Variants in CBFA2T3 observed in about 807,000 individuals in gnomAD.
The protein encoded by CBFA2T3 is transcriptional corepressor CBFA2T3.
Under a neutral mutation model 58.6 loss-of-function variants are expected in CBFA2T3, and 31 were observed. That is an observed-to-expected ratio of 0.53 (90% CI 0.40 to 0.71). The LOEUF is 0.71. Among genes scored for constraint, CBFA2T3 ranks in the 30% least tolerant of loss-of-function variants. The pLI is 0.00. For missense variants in CBFA2T3, 1,076 were observed against 963.1 expected (o/e 1.12, Z -1.55); for synonymous variants, 531 against 421.9 (o/e 1.26, Z -3.17).
chr16:88,914,928 G>A (rs1009848282), intron 1 of CBFA2T3, among the ~76,000 whole-genome samples: 13 of 151,706 alleles, frequency 8.6e-5, no homozygotes, highest in Non-Finnish European at 8.8e-5. Context: ...CTCCCTGAGC[G>A]CCCTGGGGGA....
intron 1 of CBFA2T3, among the ~76,000 whole-genome samples, chr16:88,935,114 T>C (rs1018255657): frequency 6.6e-6 from 1 of 152,130 alleles, no homozygotes; most frequent in African/African-American, 2.4e-5. Context: ...CAGGGATACG[T>C]GGAGTCCAGC....
chr16:88,976,208 G>A (rs937477593), intron 1 of CBFA2T3, among the ~76,000 whole-genome samples: 17 of 152,294 alleles, frequency 1.1e-4, no homozygotes, highest in Admixed American at 1.0e-3. Context: ...CCTCCTCACC[G>A]GGGTCTTGGG....
At chr16:88,952,566 G>A (rs1036426300) in intron 1 of CBFA2T3, among the ~76,000 whole-genome samples, 1 of 151,910 alleles carries the variant, frequency 6.6e-6, no homozygotes, top group African/African-American at 2.4e-5. Context: ...CTCAGCTCCT[G>A]AGCCTGGGGT....
intron 1 of CBFA2T3, among the ~76,000 whole-genome samples, chr16:88,902,115 T>C (rs937758798): frequency 6.6e-6 from 1 of 152,162 alleles, no homozygotes; most frequent in Non-Finnish European, 1.5e-5. Context: ...TGTTCCCAGG[T>C]GGCGCTGCTG....
intron 10 of CBFA2T3, 59 bp downstream of exon 10, chr16:88,880,661 G>T: frequency 1.4e-6 from 2 of 1,382,348 alleles, no homozygotes; most frequent in Non-Finnish European, 2.0e-6. Context: ...GGTGAGAGGC[G>T]CATCTGGGGC....
chr16:88,919,573 A>G (rs1970845568), intron 1 of CBFA2T3, among the ~76,000 whole-genome samples: 1 of 152,184 alleles, frequency 6.6e-6, no homozygotes, highest in South Asian at 2.1e-4. Flanking sequence ...CCATGATCAC[A>G]AGGGCAAAAC....
At chr16:88,968,792 C>T (rs1303119154) in intron 1 of CBFA2T3, among the ~76,000 whole-genome samples, 6 of 152,208 alleles carry the variant, frequency 3.9e-5, no homozygotes, top group Admixed American at 1.3e-4. Context: ...TTCATTTCTG[C>T]ACCCTGCGCC....
chr16:88,940,609 G>A (rs572882632), intron 1 of CBFA2T3, among the ~76,000 whole-genome samples: 1 of 152,200 alleles, frequency 6.6e-6, no homozygotes, highest in Admixed American at 6.5e-5. Context: ...GCAGGAGGGA[G>A]AGGAGCAGGA....
intron 1 of CBFA2T3, among the ~76,000 whole-genome samples, chr16:88,914,285 C>T (rs994339342): frequency 3.9e-5 from 6 of 152,226 alleles, no homozygotes; most frequent in Admixed American, 1.3e-4. Flanking sequence ...GCGCAGTGAC[C>T]AGAGGGGGAT....
rs1972117077 is a variant in CBFA2T3, at chr16:88,952,944, CA to C, written c.151+23712del. 1.3e-5 allele frequency among the ~76,000 whole-genome samples: 2 copies of C among 149,072 alleles called. 1 individual carries two copies. The highest frequency in any genetic ancestry group is 3.0e-5 in the Non-Finnish European group (2 of 67,118). On this transcript the variant is annotated intron_variant, in intron 1 of 11. Transcript: ENST00000268679. Reference sequence around the variant, plus strand: ...AGACGGCATGTCCAGGACCCCCACGCAGGGCCTGTGTCGAGACGGCATGTCC... The same window carrying C: ...AGACGGCATGTCCAGGACCCCCACGCGGGCCTGTGTCGAGACGGCATGTCC...
At chr16:88,930,543 C>A (rs889890492) in intron 1 of CBFA2T3, among the ~76,000 whole-genome samples, 62 of 151,610 alleles carry the variant, frequency 4.1e-4, no homozygotes, top group African/African-American at 1.5e-3. Context: ...GGCTCCAGTG[C>A]GGGGAGCCAC....
chr16:88,963,873 G>C (rs1972428833), intron 1 of CBFA2T3, among the ~76,000 whole-genome samples: 2 of 152,230 alleles, frequency 1.3e-5, no homozygotes, highest in South Asian at 2.1e-4. Context: ...GCCTGGCCTG[G>C]CCACACGGGC....
intron 1 of CBFA2T3, among the ~76,000 whole-genome samples, chr16:88,967,071 G>C (rs74033225): frequency 0.11 from 16,256 of 150,292 alleles, 1,036 homozygotes; most frequent in African/African-American, 0.13. Context: ...TCTCTCCATA[G>C]GGAAGCTGAG....
intron 1 of CBFA2T3, among the ~76,000 whole-genome samples, chr16:88,922,926 G>T (rs762753037): frequency 6.6e-6 from 1 of 152,224 alleles, no homozygotes; most frequent in Admixed American, 6.5e-5. Context: ...CCACCGTACA[G>T]ATGGGGCAGC....
intron 1 of CBFA2T3, among the ~76,000 whole-genome samples, chr16:88,906,022 C>A (rs35777274): frequency 6.6e-6 from 1 of 152,010 alleles, no homozygotes; most frequent in Non-Finnish European, 1.5e-5. Context: ...CTGTCCATTT[C>A]CTTGCCTCTT....
chr16:88,891,783 C>T, intron 5 of CBFA2T3, 99 bp downstream of exon 5: 2 of 817,216 alleles, frequency 2.4e-6, no homozygotes, highest in Non-Finnish European at 4.0e-6. Flanking sequence ...CCACTTAAGC[C>T]CCTTCCCGCC....
At chr16:88,949,462 A>T (rs1191368218) in intron 1 of CBFA2T3, among the ~76,000 whole-genome samples, 1 of 151,588 alleles carries the variant, frequency 6.6e-6, no homozygotes, top group East Asian at 2.0e-4. Context: ...GGGAGGCTGA[A>T]GCAGGAGAAT....
intron 1 of CBFA2T3, among the ~76,000 whole-genome samples, chr16:88,972,908 G>A (rs1038960150): frequency 3.3e-5 from 5 of 152,170 alleles, no homozygotes; most frequent in African/African-American, 4.8e-5. Context: ...GCTACCATCC[G>A]GCCCCTTTGC....
At position 88,879,367 on chromosome 16, in the gene CBFA2T3, G is replaced by A. The variant is rs770051870; in HGVS notation, c.1565C>T (p.Thr522Met). Reference sequence around the variant, plus strand: ...GGCCCGCTCCATCTTGGCACGCTCCGTGGTGATGAGCTCGTGCGCTTTGCG... The same window carrying A: ...GGCCCGCTCCATCTTGGCACGCTCCATGGTGATGAGCTCGTGCGCTTTGCG... ...AERKAHELIT[T>M]ERAKMERALA... is the part of the protein sequence containing the mutation. Residue 522 changes from threonine (T) to methionine (M), a missense_variant, in exon 11 of 12, where the codon ACG becomes ATG. Transcript: ENST00000268679. The A allele has an allele frequency of 8.1e-6, 13 of 1,612,836 alleles. No homozygotes were observed. The highest frequency in any genetic ancestry group is 4.5e-5 in the East Asian group (2 of 44,886).
Sources: allele counts gnomAD v4.1 joint callset (sites outside exome capture counted in the v4.1 genomes callset), GRCh38; gene constraint gnomAD v4.1.1; transcripts MANE v1.5; gene names NCBI Gene and HGNC (gene_info 2026-07-23, HGNC 2026-07-21).